PRPF40B: variants seen among roughly 807,000 people sequenced by gnomAD.
The protein encoded by PRPF40B is pre-mRNA processing factor 40B, also known as pre-mRNA-processing factor 40 homolog B.
A neutral mutation model predicts 124.5 loss-of-function variants in PRPF40B; 56 were observed. The ratio of observed to expected loss-of-function variants is 0.45; its 90% CI spans 0.36 to 0.56. The LOEUF (loss-of-function observed/expected upper bound fraction) is 0.56, where lower values mean the gene tolerates loss of function less well. PRPF40B is among the 20% of genes least tolerant of loss of function. The probability of loss-of-function intolerance (pLI) is 0.00; values close to 1 mark genes in which losing one functional copy is unlikely to be tolerated. For synonymous variants in PRPF40B, 443 were observed against 426.4 expected (o/e 1.04, Z -0.48); for missense variants, 1,053 against 1,169.5 (o/e 0.90, Z 1.45).
At chr12:49,634,198 T>C in intron 10 of PRPF40B, 106 bp downstream of exon 10, 2 of 1,576,112 alleles carry the variant, frequency 1.3e-6, no homozygotes, top group Admixed American at 1.8e-5. Context: ...TTTGAAGATC[T>C]GGGTGTGACC....
At position 49,642,186 on chromosome 12, in the gene PRPF40B, G is replaced by T. The variant is rs748118607; in HGVS notation, c.1885-49G>T. On this transcript the variant is annotated intron_variant, in intron 19 of 25. Coordinates refer to ENST00000548825, the MANE Select transcript of PRPF40B (RefSeq NM_001031698.3). The surrounding 1 kb of genome is among the most constrained non-coding windows in gnomAD (Gnocchi z 5.8). ...CCTAAGGTATGCCTGAGTGGGACCT[G>T]GCATCCACCCTCCTGGGTGACCCTG... 8.1e-6 allele frequency: 13 copies of T among 1,613,572 alleles called. No homozygotes were observed. Among genetic ancestry groups the T allele is most frequent in the Non-Finnish European group, 1.1e-5 (13 of 1,179,744 alleles).
chr12:49,632,657 C>T (rs746215814), intron 5 of PRPF40B, 34 bp downstream of exon 5: 14 of 1,611,796 alleles, frequency 8.7e-6, no homozygotes, highest in Non-Finnish European at 1.1e-5. Flanking sequence ...CCCCCAGGCT[C>T]GGAGGTTGGG....
chr12:49,637,980 G>A (rs1852747444), intron 18 of PRPF40B, 156 bp downstream of exon 18: 1 of 616,980 alleles, frequency 1.6e-6, no homozygotes, highest in African/African-American at 1.8e-5. Flanking sequence ...ATACAGTAAT[G>A]AATACACAAT....
At position 49,631,565 on chromosome 12, in the gene PRPF40B, G is replaced by A; in HGVS notation, c.228+21G>A. The A allele has an allele frequency of 6.5e-7, 1 of 1,543,070 alleles. No individual in the cohort carries two copies. The highest frequency in any genetic ancestry group is 8.7e-7 in the Non-Finnish European group (1 of 1,149,314). On this transcript the variant is annotated intron_variant, in intron 3 of 25. Coordinates refer to ENST00000548825, the MANE Select transcript of PRPF40B (RefSeq NM_001031698.3). The surrounding 1 kb of genome is among the most constrained non-coding windows in gnomAD (Gnocchi z 4.3). The stretch of plus-strand genomic sequence containing the variant: ...CACAGGTAATTGTCTCTCCTCCCCT[G>A]GGGCCTCAGAAAACCCTGTCAGTTT...
chr12:49,644,397 G>A lies in PRPF40B; in HGVS notation c.*205G>A. The stretch of plus-strand genomic sequence containing the variant: ...TACTCCCTGGACTAGTGCAGTCCTT[G>A]CCCTCAGCCCCAGACCAGAGATGGG... On this transcript the variant is annotated 3_prime_UTR_variant, in exon 26 of 26. Transcript: ENST00000548825. 5.0e-6 allele frequency: 3 copies of A among 601,748 alleles called. No homozygotes were observed. In the East Asian group the frequency reaches 8.7e-5, roughly 17 times the overall value. 37.3% of individuals were successfully genotyped at this position (601,748 alleles called of 1,614,324 possible).
In PRPF40B at chr12:49,642,161, C is replaced by G. The variant is rs529404384; in HGVS notation, c.1885-74C>G. 6.2e-7 allele frequency: 1 copy of G among 1,612,084 alleles called. No homozygotes were observed. The highest frequency in any genetic ancestry group is 1.3e-5 in the African/African-American group (1 of 75,054). On this transcript the variant is annotated intron_variant, in intron 19 of 25. Coordinates refer to ENST00000548825, the MANE Select transcript of PRPF40B (RefSeq NM_001031698.3). This position sits in a 1 kb window ranked among gnomAD's most constrained non-coding sequence, Gnocchi z 5.8. ...AAGCCCAGACCCTAACTTTCCACCT[C>G]CTAAGGTATGCCTGAGTGGGACCTG... is the stretch of plus-strand genomic sequence containing the variant.
At chr12:49,636,589 C>T (rs1941836288) in intron 15 of PRPF40B, 127 bp from the exon 16 acceptor site, 18 of 1,317,838 alleles carry the variant, frequency 1.4e-5, no homozygotes, top group Non-Finnish European at 1.7e-5. Context: ...CCCCTCCAGG[C>T]CCTTCCCCCA....
At chr12:49,623,089 A>C (rs1940346360), upstream of PRPF40B, among the ~76,000 whole-genome samples, 1 of 149,496 alleles carries the variant, frequency 6.7e-6, no homozygotes, top group Non-Finnish European at 1.5e-5. Context: ...CTGTGTGCTC[A>C]GTCCCTGAGA....
upstream of PRPF40B, among the ~76,000 whole-genome samples, chr12:49,623,012 G>A (rs923169451): frequency 2.0e-5 from 3 of 151,644 alleles, no homozygotes; most frequent in African/African-American, 7.3e-5. Context: ...CACGCGAGAA[G>A]CACGTGTACG....
At chr12:49,628,885 G>A (rs1463764444) in intron 1 of PRPF40B, among the ~76,000 whole-genome samples, 1 of 152,178 alleles carries the variant, frequency 6.6e-6, no homozygotes, top group East Asian at 1.9e-4. Flanking sequence ...TATTTTAAAG[G>A]CAGACATGAA....
chr12:49,623,988 C>T, intron 1 of PRPF40B: 2 of 1,035,128 alleles, frequency 1.9e-6, no homozygotes, highest in Non-Finnish European at 2.3e-6. Context: ...GCGACATGCC[C>T]TTCCCCCAGC....
chr12:49,630,802 A>G (rs1941149132), intron 2 of PRPF40B, among the ~76,000 whole-genome samples, 177 bp downstream of exon 2: 1 of 152,160 alleles, frequency 6.6e-6, no homozygotes, highest in Non-Finnish European at 1.5e-5. Flanking sequence ...TGAAGCCCTC[A>G]GTACATAACA....
chr12:49,635,070 C>G lies in PRPF40B; in HGVS notation c.1002-29C>G, dbSNP rs776830424. 6.3e-7 allele frequency: 1 copy of G among 1,595,238 alleles called. No homozygotes were observed. Among genetic ancestry groups the G allele is most frequent in the African/African-American group, 1.3e-5 (1 of 74,226 alleles). On this transcript the variant is annotated intron_variant, in intron 12 of 25. Transcript: ENST00000548825. This position sits in a 1 kb window ranked among gnomAD's most constrained non-coding sequence, Gnocchi z 4.1. ...AGAGTGGTTCGGGTGACTTCTCTAT[C>G]CCCACCCCACTCCTACCCTCTATCC...
At chr12:49,630,422 C>T (rs1324236210) in intron 1 of PRPF40B, 123 bp from the exon 2 acceptor site, 15 of 696,800 alleles carry the variant, frequency 2.2e-5, no homozygotes, top group South Asian at 4.5e-5. Flanking sequence ...GGCAGGAAAT[C>T]GGGCTTGAAG....
rs1235083433 is a variant in PRPF40B at position 49,641,885 on chromosome 12, T to A, written c.1768-23T>A. 7 of 1,607,552 alleles carry A rather than the reference T, an allele frequency of 4.4e-6. No individual in the cohort carries two copies. In the Admixed American group the frequency reaches 1.0e-4, roughly 23 times the overall value. ...GGCCTCAGGCACGTGGTGCCCCTGC[T>A]TCATGCACTGCTGTACCCACAGGAC... On this transcript the variant is annotated intron_variant, in intron 18 of 25. Transcript: ENST00000548825.
rs1458360854 is a variant in PRPF40B, at chr12:49,642,542, G to A, written c.2023-38G>A. 1.9e-6 allele frequency: 3 copies of A among 1,608,328 alleles called. No homozygotes were observed. In the South Asian group the frequency reaches 3.3e-5, roughly 18 times the overall value. On this transcript the variant is annotated intron_variant, in intron 20 of 25. Transcript: ENST00000548825. The surrounding 1 kb of genome is among the most constrained non-coding windows in gnomAD (Gnocchi z 5.8). ...TGGCGGTGTCCAGGCCAGGCTGAGT[G>A]GGGCCTAGTCTGATCAGCAGTGCTC...
chr12:49,636,216 G>A (rs1184215304), intron 15 of PRPF40B, among the ~76,000 whole-genome samples: 1 of 152,182 alleles, frequency 6.6e-6, no homozygotes, highest in East Asian at 1.9e-4. Flanking sequence ...GACATTTTGT[G>A]TCCTTGGAGG....
chr12:49,636,596 C>T, intron 15 of PRPF40B, 120 bp from the exon 16 acceptor site: 2 of 1,424,088 alleles, frequency 1.4e-6, no homozygotes, highest in Non-Finnish European at 1.9e-6. Context: ...AGGCCCTTCC[C>T]CCACCACCCT....
intron 1 of PRPF40B, among the ~76,000 whole-genome samples, chr12:49,627,643 A>G (rs528554183): frequency 2.6e-5 from 4 of 152,274 alleles, no homozygotes; most frequent in Middle Eastern, 3.4e-3. Context: ...AGTACTGGGT[A>G]GGGGGTTTAC....
Sources: gnomAD v4.1 joint callset for allele counts (sites outside exome capture counted in the v4.1 genomes callset) on GRCh38, gnomAD v4.1.1 for gene constraint, Gnocchi (gnomAD v3.1) non-coding constraint, MANE v1.5 for transcripts, NCBI Gene and HGNC (gene_info 2026-07-23, HGNC 2026-07-21) for gene names.